Variants in AGMO observed in about 807,000 individuals in gnomAD.
AGMO encodes the protein alkylglycerol monooxygenase.
A neutral mutation model predicts 60.2 loss-of-function variants in AGMO; 75 were observed. The ratio of observed to expected loss-of-function variants is 1.25; its 90% CI spans 1.03 to 1.51. AGMO has a LOEUF of 1.51. Ranked by LOEUF, AGMO falls within the 40% of genes most tolerant of loss-of-function variation. The pLI is 0.00. For synonymous variants in AGMO, 261 were observed against 177.1 expected, an observed-to-expected ratio of 1.47 and a Z score of -3.76; for missense variants, 763 against 525.5, an observed-to-expected ratio of 1.45 and a Z score of -4.42.
At chr7:15,493,780 C>T (rs1316921122) in intron 3 of AGMO, among the ~76,000 whole-genome samples, 1 of 152,150 alleles carries the variant, frequency 6.6e-6, no homozygotes, top group African/African-American at 2.4e-5. Flanking sequence ...GATTCAGTTA[C>T]ACAATCCCAG....
At chr7:15,183,800 A>T in the AGMO span, among the ~76,000 whole-genome samples, 47 of 152,232 alleles carry the variant, frequency 3.1e-4, no homozygotes, top group African/African-American at 1.1e-3. Flanking sequence ...TTAAGCATCA[A>T]ATAGTTGTAT....
chr7:15,483,201 G>A (rs981187743), intron 3 of AGMO, among the ~76,000 whole-genome samples: 2 of 152,076 alleles, frequency 1.3e-5, no homozygotes, highest in Non-Finnish European at 2.9e-5. Flanking sequence ...TTGAATACAA[G>A]TTCAATATCC....
intron 3 of AGMO, among the ~76,000 whole-genome samples, chr7:15,463,886 G>A (rs1365410675): frequency 6.6e-6 from 1 of 152,136 alleles, no homozygotes; most frequent in African/African-American, 2.4e-5. Flanking sequence ...TCAAAGCTGT[G>A]CTTGATTATT....
chr7:15,504,023 A>G (rs1454435419), intron 3 of AGMO, among the ~76,000 whole-genome samples: 1 of 152,048 alleles, frequency 6.6e-6, no homozygotes, highest in Non-Finnish European at 1.5e-5. Context: ...GACAGAGGCA[A>G]TTCCACACAG....
the AGMO span, among the ~76,000 whole-genome samples, chr7:15,166,893 G>A: frequency 2.0e-5 from 3 of 152,154 alleles, no homozygotes; most frequent in Non-Finnish European, 4.4e-5. Flanking sequence ...GATTAGGGGT[G>A]TAAGTGGGAG....
At chr7:15,126,629 T>C in the AGMO span, among the ~76,000 whole-genome samples, 2 of 152,100 alleles carry the variant, frequency 1.3e-5, no homozygotes, top group African/African-American at 4.8e-5. Flanking sequence ...AAAGGTTTTA[T>C]TTAACCGTGG....
chr7:15,395,217 G>A (rs1308171803), intron 5 of AGMO, among the ~76,000 whole-genome samples: 1 of 152,170 alleles, frequency 6.6e-6, no homozygotes, highest in Non-Finnish European at 1.5e-5. Flanking sequence ...TCCGTTTGGA[G>A]GACATATGAG....
At chr7:15,183,164 C>T in the AGMO span, among the ~76,000 whole-genome samples, 4 of 151,316 alleles carry the variant, frequency 2.6e-5, no homozygotes, top group Middle Eastern at 3.4e-3. Context: ...ATATGAGCAA[C>T]TGAAGAGGGG....
chr7:15,271,520 T>C (rs576390333), intron 12 of AGMO, among the ~76,000 whole-genome samples: 5 of 152,316 alleles, frequency 3.3e-5, no homozygotes, highest in East Asian at 3.9e-4. Flanking sequence ...TAATTTTGTA[T>C]CTTGAAAATT....
At chr7:15,540,920 T>C (rs1784610757) in intron 3 of AGMO, among the ~76,000 whole-genome samples, 1 of 152,132 alleles carries the variant, frequency 6.6e-6, no homozygotes, top group Admixed American at 6.5e-5. Flanking sequence ...TACGCACTCA[T>C]GTAAATAGCA....
chr7:15,400,534 T>C (rs1305876681), intron 5 of AGMO, among the ~76,000 whole-genome samples: 1 of 152,140 alleles, frequency 6.6e-6, no homozygotes, highest in Non-Finnish European at 1.5e-5. Flanking sequence ...AATTTCTGTG[T>C]TCTAATCTGG....
chr7:15,474,427 C>T (rs980213000), intron 3 of AGMO, among the ~76,000 whole-genome samples: 2 of 151,918 alleles, frequency 1.3e-5, no homozygotes, highest in Non-Finnish European at 2.9e-5. Context: ...CTTTGACAAA[C>T]CTGACAAAAG....
intron 12 of AGMO, among the ~76,000 whole-genome samples, chr7:15,248,196 ATATATATATATATATATATATATATAT>A (rs1782814405): frequency 1.3e-5 from 1 of 77,608 alleles, no homozygotes; most frequent in Non-Finnish European, 2.5e-5. Context: ...ATATATATAT[ATATATATATATATATATATATATATAT>A]ATCTTCATCT....
chr7:15,490,005 C>T (rs758311724), intron 3 of AGMO, among the ~76,000 whole-genome samples: 7 of 152,124 alleles, frequency 4.6e-5, no homozygotes, highest in Non-Finnish European at 7.4e-5. Flanking sequence ...TATCCTTCTC[C>T]GTGCACATGG....
At chr7:15,380,190 G>A (rs1783618590) in intron 10 of AGMO, among the ~76,000 whole-genome samples, 1 of 151,962 alleles carries the variant, frequency 6.6e-6, no homozygotes, top group African/African-American at 2.4e-5. Context: ...AAGAAACAAA[G>A]GGCAACAATA....
chr7:15,246,619 TC>T (rs1782750398), intron 12 of AGMO, among the ~76,000 whole-genome samples: 1 of 151,354 alleles, frequency 6.6e-6, no homozygotes, highest in African/African-American at 2.4e-5. Context: ...GGTAACGGGG[TC>T]TTCAGTTGAT....
At chr7:15,386,812 C>T (rs1000267449) in intron 9 of AGMO, among the ~76,000 whole-genome samples, 3 of 152,056 alleles carry the variant, frequency 2.0e-5, no homozygotes, top group Non-Finnish European at 2.9e-5. Flanking sequence ...TCTTTCTTCC[C>T]CAGAAGAGTA....
At chr7:15,333,684 C>T (rs199701005) in intron 12 of AGMO, among the ~76,000 whole-genome samples, 2 of 150,264 alleles carry the variant, frequency 1.3e-5, no homozygotes, top group East Asian at 3.9e-4. Flanking sequence ...AATAACATGA[C>T]AAAACAAAAC....
Position 15,218,494 on chromosome 7 carries a change from A to T in AGMO, c.1264-17135T>A, listed in dbSNP as rs867792535. On this transcript the variant is annotated intron_variant, in intron 12 of 12. Coordinates refer to ENST00000342526, the MANE Select transcript of AGMO (RefSeq NM_001004320.2). ...GATTGCAATGGACAGGAAGGAAAAGAATGTGGTTGAAGGGAGTGGGCTTCC... is the reference window on the plus strand; with the variant it reads ...GATTGCAATGGACAGGAAGGAAAAGTATGTGGTTGAAGGGAGTGGGCTTCC... 3.6e-4 allele frequency among the ~76,000 whole-genome samples: 55 copies of T among 151,978 alleles called. 1 individual carries two copies. Among genetic ancestry groups the T allele is most frequent in the African/African-American group, 1.3e-3 (52 of 41,370 alleles).
Sources: allele counts gnomAD v4.1 joint callset (sites outside exome capture counted in the v4.1 genomes callset), GRCh38; gene constraint gnomAD v4.1.1; transcripts MANE v1.5; gene names NCBI Gene and HGNC (gene_info 2026-07-23, HGNC 2026-07-21).